FHIT: variants seen among roughly 807,000 people sequenced by gnomAD.
FHIT encodes the protein fragile histidine triad diadenosine triphosphatase.
FHIT carries 19 observed loss-of-function variants against 17.9 expected under a neutral mutation model. That is an observed-to-expected ratio of 1.06 (90% CI 0.74 to 1.56). The LOEUF (loss-of-function observed/expected upper bound fraction) is 1.56, where lower values mean the gene tolerates loss of function less well. Ranked by LOEUF, FHIT falls within the 40% of genes most tolerant of loss-of-function variation. The pLI is 0.00. For missense variants in FHIT, 248 were observed against 189.2 expected, an observed-to-expected ratio of 1.31 and a Z score of -1.82; for synonymous variants, 81 against 69.7, an observed-to-expected ratio of 1.16 and a Z score of -0.81.
chr3:59,836,670 C>A (rs1701350793), intron 8 of FHIT, among the ~76,000 whole-genome samples: 1 of 152,176 alleles, frequency 6.6e-6, no homozygotes, highest in Admixed American at 6.5e-5. Flanking sequence ...TTTAGTGTGG[C>A]AGCTGAAGTC....
intron 5 of FHIT, among the ~76,000 whole-genome samples, chr3:60,129,976 C>G (rs1388728965): frequency 6.6e-6 from 1 of 152,078 alleles, no homozygotes. Flanking sequence ...TTAGGATTAT[C>G]TCTCTCTTTC....
intron 4 of FHIT, among the ~76,000 whole-genome samples, chr3:60,723,665 T>A (rs1416105323): frequency 6.6e-6 from 1 of 152,238 alleles, no homozygotes; most frequent in South Asian, 2.1e-4. Flanking sequence ...CTGCACACCA[T>A]GCACCTTTTC....
chr3:59,828,515 G>A (rs1701052191), intron 8 of FHIT, among the ~76,000 whole-genome samples: 2 of 152,200 alleles, frequency 1.3e-5, no homozygotes, highest in South Asian at 2.1e-4. Flanking sequence ...GGATGATAAA[G>A]TATGGCTATT....
chr3:60,097,087 G>A (rs1383087837), intron 5 of FHIT, among the ~76,000 whole-genome samples: 1 of 148,888 alleles, frequency 6.7e-6, no homozygotes, highest in Non-Finnish European at 1.5e-5. Flanking sequence ...TCTCCATGTA[G>A]AGTACCAGGT....
intron 4 of FHIT, among the ~76,000 whole-genome samples, chr3:60,668,371 GAAAAAA>G (rs60941309): frequency 0.16 from 10,768 of 67,838 alleles, 704 homozygotes; most frequent in Non-Finnish European, 0.2. Context: ...GCTCAATCAG[GAAAAAA>G]AAAAAAAAAA....
intron 1 of FHIT, among the ~76,000 whole-genome samples, chr3:61,202,184 G>C (rs915816864): frequency 3.3e-5 from 5 of 151,946 alleles, no homozygotes; most frequent in African/African-American, 1.2e-4. Flanking sequence ...CCAACCATCT[G>C]GGAAGTGAGG....
intron 4 of FHIT, among the ~76,000 whole-genome samples, chr3:60,590,177 T>A (rs1313558435): frequency 6.6e-6 from 1 of 152,110 alleles, no homozygotes; most frequent in Non-Finnish European, 1.5e-5. Context: ...AAATTTTTCT[T>A]GCTCAAGTCT....
In FHIT at chr3:60,712,375, G is replaced by A. The variant is rs563001313; in HGVS notation, c.-18+109544C>T. ...AGGAAGAAATTGCATCAACTAACAA[G>A]CAAAATAACCAGCTAACATCATAAT... On this transcript the variant is annotated intron_variant, in intron 4 of 9. Coordinates refer to ENST00000492590, the MANE Select transcript of FHIT (RefSeq NM_002012.4). Among the ~76,000 whole-genome samples, 12 of 152,160 alleles carry A rather than the reference G, an allele frequency of 7.9e-5. No individual in the cohort carries two copies. In the East Asian group the frequency reaches 2.3e-3, roughly 29 times the overall value.
At chr3:60,311,187 ACTTTGTCTTTCTGTTTT>A (rs1452709971) in intron 5 of FHIT, among the ~76,000 whole-genome samples, 18 of 151,626 alleles carry the variant, frequency 1.2e-4, no homozygotes, top group Non-Finnish European at 2.6e-4. Context: ...CTCAAACATT[ACTTTGTCTTTCTGTTTT>A]CTTTTTTAAC....
At chr3:60,524,701 C>T (rs2035507892) in intron 5 of FHIT, among the ~76,000 whole-genome samples, 1 of 141,054 alleles carries the variant, frequency 7.1e-6, no homozygotes, top group African/African-American at 2.7e-5. Context: ...CATTCCTTGA[C>T]TTGTGACCAC....
chr3:60,818,495 A>C (rs1701812542), intron 4 of FHIT, among the ~76,000 whole-genome samples: 1 of 152,198 alleles, frequency 6.6e-6, no homozygotes, highest in South Asian at 2.1e-4. Context: ...TGTCTGCTCC[A>C]TCAAGAATAT....
At chr3:61,072,067 T>G (rs1221803385) in intron 2 of FHIT, among the ~76,000 whole-genome samples, 1 of 152,194 alleles carries the variant, frequency 6.6e-6, no homozygotes, top group African/African-American at 2.4e-5. Context: ...CAGAAACATT[T>G]GGATTCAAAT....
At chr3:59,796,466 C>T (rs568127369) in intron 8 of FHIT, among the ~76,000 whole-genome samples, 1 of 152,162 alleles carries the variant, frequency 6.6e-6, no homozygotes, top group African/African-American at 2.4e-5. Context: ...TGTCAGTCTT[C>T]AAAGAGGCCT....
chr3:60,860,957 A>G lies in FHIT; in HGVS notation c.-110-38946T>C, dbSNP rs182531369. On this transcript the variant is annotated intron_variant, in intron 3 of 9. Transcript: ENST00000492590. Reference sequence around the variant, plus strand: ...TATATCATGTATATATGATACATATATACGTATATATCATGTATATATGAT... The same window carrying G: ...TATATCATGTATATATGATACATATGTACGTATATATCATGTATATATGAT... Among the ~76,000 whole-genome samples the G allele has an allele frequency of 4.8e-4, 49 of 101,848 alleles. 8 individuals are homozygous for G. The highest frequency in any genetic ancestry group is 1.7e-3 in the African/African-American group (44 of 25,564). The allele number at this position is 101,848 out of a possible 152,430, so 66.8% of individuals were successfully genotyped here.
Position 60,234,226 on chromosome 3 carries a change from A to G in FHIT, c.104-220074T>C, listed in dbSNP as rs187625321. 8.1e-4 allele frequency among the ~76,000 whole-genome samples: 124 copies of G among 152,296 alleles called. 3 individuals carry two copies. The highest frequency in any genetic ancestry group is 1.3e-4 in the Non-Finnish European group (9 of 68,022). On this transcript the variant is annotated intron_variant, in intron 5 of 9. Transcript: ENST00000492590. ...CATAGCACAGGGACAACAAAAAATA[A>G]TAATAATTAATGCCTTGGAAAGTGA...
chr3:61,213,382 A>T (rs1356415921), intron 1 of FHIT, among the ~76,000 whole-genome samples: 1 of 152,214 alleles, frequency 6.6e-6, no homozygotes, highest in East Asian at 1.9e-4. Flanking sequence ...CAGTCTTTAA[A>T]CCAACAAAGA....
At chr3:60,237,459 G>A (rs902051719) in intron 5 of FHIT, among the ~76,000 whole-genome samples, 1 of 152,018 alleles carries the variant, frequency 6.6e-6, no homozygotes, top group African/African-American at 2.4e-5. Flanking sequence ...CATAAACAGG[G>A]ATCCACACTG....
chr3:60,229,237 T>C lies in FHIT; in HGVS notation c.104-215085A>G, dbSNP rs1340440423. Among the ~76,000 whole-genome samples the C allele has an allele frequency of 7.9e-5, 12 of 151,372 alleles. No homozygotes were observed. In the East Asian group the frequency reaches 2.3e-3, roughly 30 times the overall value. On this transcript the variant is annotated intron_variant, in intron 5 of 9. Coordinates refer to ENST00000492590, the MANE Select transcript of FHIT (RefSeq NM_002012.4). Reference sequence around the variant, plus strand: ...TTTGAGACCAGCCTGGGCAACATGGTGAAACCCTGCCTCTACCAAAAGTAC... The same window carrying C: ...TTTGAGACCAGCCTGGGCAACATGGCGAAACCCTGCCTCTACCAAAAGTAC...
intron 5 of FHIT, among the ~76,000 whole-genome samples, chr3:60,511,712 A>T (rs566983653): frequency 3.3e-5 from 5 of 152,312 alleles, no homozygotes; most frequent in African/African-American, 9.6e-5. Context: ...CTTAATGCCC[A>T]GATCTTGGTT....
Sources: gnomAD v4.1 joint callset for allele counts (sites outside exome capture counted in the v4.1 genomes callset) on GRCh38, gnomAD v4.1.1 for gene constraint, MANE v1.5 for transcripts, NCBI Gene and HGNC (gene_info 2026-07-23, HGNC 2026-07-21) for gene names.